The following FGF12 variants were observed in gnomAD, a reference collection of about 807,000 sequenced individuals.
The protein encoded by FGF12 is fibroblast growth factor 12.
FGF12 carries 14 observed loss-of-function variants against 23.6 expected under a neutral mutation model. That is an observed-to-expected ratio of 0.59 (90% CI 0.39 to 0.93). FGF12 has a LOEUF of 0.93. Among genes scored for constraint, FGF12 ranks in the 40% least tolerant of loss-of-function variants. FGF12 has a pLI of 0.00. For synonymous variants in FGF12, 62 were observed against 77.3 expected, an observed-to-expected ratio of 0.80 and a Z score of 1.04; for missense variants, 175 against 217.8, an observed-to-expected ratio of 0.80 and a Z score of 1.24.
chr3:192,252,677 A>G (rs561876980), intron 4 of FGF12, among the ~76,000 whole-genome samples: 2 of 152,120 alleles, frequency 1.3e-5, no homozygotes, highest in African/African-American at 2.4e-5. Context: ...CTTGTCTTCA[A>G]GTAACACAAG....
rs559575332 is a variant in FGF12 at position 192,270,292 on chromosome 3, C to T, written c.228+65069G>A. On this transcript the variant is annotated intron_variant, in intron 4 of 5. Transcript: ENST00000445105. ...GAGCCTCAGGCTACATGTAATACAG[C>T]ACTTAATTTCCTGCACCTTAGTTGG... is the stretch of plus-strand genomic sequence containing the variant. Among the ~76,000 whole-genome samples the T allele has an allele frequency of 1.4e-4, 21 of 152,258 alleles. No homozygotes were observed. The South Asian group carries it at 1.7e-3, about 12-fold the overall frequency.
At chr3:192,591,741 A>G (rs1264563348) in intron 2 of FGF12, among the ~76,000 whole-genome samples, 1 of 151,956 alleles carries the variant, frequency 6.6e-6, no homozygotes, top group African/African-American at 2.4e-5. Context: ...GTGGCAATAG[A>G]AAGTCCACCA....
At chr3:192,164,654 C>G (rs1043590724) in intron 5 of FGF12, among the ~76,000 whole-genome samples, 10 of 152,012 alleles carry the variant, frequency 6.6e-5, no homozygotes, top group African/African-American at 2.2e-4. Flanking sequence ...CAAAAAAAAC[C>G]CTACTTTGGC....
At chr3:192,334,756 T>C (rs184371057) in intron 4 of FGF12, among the ~76,000 whole-genome samples, 1 of 152,266 alleles carries the variant, frequency 6.6e-6, no homozygotes, top group East Asian at 1.9e-4. Context: ...CCAATGAAGG[T>C]AGATAATTTG....
chr3:192,619,914 G>C (rs1714908113), intron 2 of FGF12, among the ~76,000 whole-genome samples: 1 of 152,148 alleles, frequency 6.6e-6, no homozygotes, highest in Non-Finnish European at 1.5e-5. Flanking sequence ...AAACCAACAA[G>C]TTGACAGCTT....
At chr3:192,359,056 G>A (rs532907945) in intron 3 of FGF12, among the ~76,000 whole-genome samples, 1 of 152,074 alleles carries the variant, frequency 6.6e-6, no homozygotes, top group Non-Finnish European at 1.5e-5. Context: ...GGAGAGAAAA[G>A]TATCCTGATT....
chr3:192,724,998 G>A (rs1344335979), intron 2 of FGF12, among the ~76,000 whole-genome samples: 18 of 151,942 alleles, frequency 1.2e-4, no homozygotes, highest in Non-Finnish European at 1.5e-5. Context: ...TGTCTTCCTA[G>A]AATTAGATTT....
chr3:192,215,261 ACT>A (rs1718133992), intron 4 of FGF12, among the ~76,000 whole-genome samples: 1 of 151,882 alleles, frequency 6.6e-6, no homozygotes, highest in Non-Finnish European at 1.5e-5. Flanking sequence ...TGCCCATTAG[ACT>A]CTGCACTAAT....
At chr3:192,305,854 GTT>G (rs755560177) in intron 4 of FGF12, among the ~76,000 whole-genome samples, 4 of 77,444 alleles carry the variant, frequency 5.2e-5, no homozygotes, top group African/African-American at 1.9e-4. Flanking sequence ...CATCTCTCTG[GTT>G]TTTTTTTTTT....
chr3:192,633,476 C>A (rs1055288015), intron 2 of FGF12, among the ~76,000 whole-genome samples: 2 of 152,098 alleles, frequency 1.3e-5, no homozygotes, highest in Non-Finnish European at 2.9e-5. Context: ...TGGGAAAACA[C>A]GATTCATCAC....
chr3:192,432,471 T>A (rs532625789), intron 2 of FGF12, among the ~76,000 whole-genome samples: 6 of 152,050 alleles, frequency 3.9e-5, no homozygotes, highest in African/African-American at 1.4e-4. Flanking sequence ...TATCACTCTC[T>A]GGATTGTGTT....
intron 2 of FGF12, among the ~76,000 whole-genome samples, chr3:192,709,907 T>C (rs891479813): frequency 6.6e-6 from 1 of 152,242 alleles, no homozygotes; most frequent in African/African-American, 2.4e-5. Context: ...CAGTCTCTTA[T>C]TCATTATCCT....
At chr3:192,175,260 T>C (rs1019577820) in intron 4 of FGF12, among the ~76,000 whole-genome samples, 4 of 152,096 alleles carry the variant, frequency 2.6e-5, no homozygotes, top group Non-Finnish European at 5.9e-5. Flanking sequence ...GAAAGCAGAG[T>C]AAATAATCAG....
rs188687071 is a variant in FGF12 at position 192,437,613 on chromosome 3, C to T, written c.14-77075G>A. 3.4e-3 allele frequency among the ~76,000 whole-genome samples: 522 copies of T among 152,202 alleles called. 2 individuals carry two copies. Among genetic ancestry groups the T allele is most frequent in the African/African-American group, 0.012 (502 of 41,518 alleles). The stretch of plus-strand genomic sequence containing the variant: ...AAGCTGAGGCAGAGAACTGCTTGAA[C>T]CCAGGAGGCGGAGGTTGCAGTGAGC... On this transcript the variant is annotated intron_variant, in intron 2 of 5. Transcript: ENST00000445105.
At chr3:192,173,510 A>C (rs1162476961) in intron 4 of FGF12, among the ~76,000 whole-genome samples, 1 of 139,312 alleles carries the variant, frequency 7.2e-6, no homozygotes, top group Non-Finnish European at 1.6e-5. Flanking sequence ...ATAGATGATA[A>C]TATTAAGTTC....
chr3:192,622,369 A>G (rs1294363638), intron 2 of FGF12, among the ~76,000 whole-genome samples: 1 of 152,150 alleles, frequency 6.6e-6, no homozygotes, highest in Non-Finnish European at 1.5e-5. Context: ...AGCAGAAACC[A>G]CTAAACTAGG....
chr3:192,224,792 A>G (rs922761931), intron 4 of FGF12, among the ~76,000 whole-genome samples: 1 of 152,192 alleles, frequency 6.6e-6, no homozygotes, highest in Admixed American at 6.5e-5. Flanking sequence ...TCAACTGTAC[A>G]TAATCCTCAG....
intron 2 of FGF12, among the ~76,000 whole-genome samples, chr3:192,413,240 T>C (rs1721251311): frequency 6.6e-6 from 1 of 152,226 alleles, no homozygotes; most frequent in Non-Finnish European, 1.5e-5. Flanking sequence ...AACATTGCAT[T>C]GTCCACAGAT....
chr3:192,195,784 GCA>G (rs548033614), intron 4 of FGF12, among the ~76,000 whole-genome samples: 6 of 151,100 alleles, frequency 4.0e-5, no homozygotes, highest in African/African-American at 1.5e-4. Context: ...ACACACACAC[GCA>G]CACACACACA....
Sources: allele counts gnomAD v4.1 joint callset (sites outside exome capture counted in the v4.1 genomes callset), GRCh38; gene constraint gnomAD v4.1.1; transcripts MANE v1.5; gene names NCBI Gene and HGNC (gene_info 2026-07-23, HGNC 2026-07-21).